COG5: variants seen among roughly 807,000 people sequenced by gnomAD.
The protein encoded by COG5 is component of oligomeric golgi complex 5, also known as conserved oligomeric Golgi complex subunit 5.
Under a neutral mutation model 110.4 loss-of-function variants are expected in COG5, and 86 were observed. The ratio of observed to expected loss-of-function variants is 0.78; its 90% CI spans 0.65 to 0.93. The LOEUF (loss-of-function observed/expected upper bound fraction) is 0.93. Among genes scored for constraint, COG5 ranks in the 40% least tolerant of loss-of-function variants. The pLI, the probability that COG5 is intolerant of heterozygous loss-of-function variation, is 0.00. For missense variants in COG5, 1,077 were observed against 987.0 expected, an observed-to-expected ratio of 1.09 and a Z score of -1.22; for synonymous variants, 360 against 334.6, an observed-to-expected ratio of 1.08 and a Z score of -0.83.
intron 11 of COG5, among the ~76,000 whole-genome samples, chr7:107,306,797 G>A (rs561099453): frequency 6.6e-6 from 1 of 152,178 alleles, no homozygotes; most frequent in East Asian, 1.9e-4. Context: ...AAAAACAAAG[G>A]CTTCTAGGAA....
chr7:107,223,711 C>G (rs1160788727), intron 19 of COG5, among the ~76,000 whole-genome samples: 1 of 152,128 alleles, frequency 6.6e-6, no homozygotes, highest in African/African-American at 2.4e-5. Context: ...AGAAAACAAA[C>G]AGAAACTTCT....
intron 6 of COG5, among the ~76,000 whole-genome samples, chr7:107,486,063 A>G (rs2129124449): frequency 6.6e-6 from 1 of 152,110 alleles, no homozygotes; most frequent in African/African-American, 2.4e-5. Flanking sequence ...TATACTCCAC[A>G]CTCTATGAAT....
At chr7:107,266,731 G>A (rs767949975) in intron 14 of COG5, among the ~76,000 whole-genome samples, 3 of 152,066 alleles carry the variant, frequency 2.0e-5, no homozygotes, top group Non-Finnish European at 2.9e-5. Context: ...GAAACCAGAG[G>A]ACTAACCATG....
At chr7:107,455,718 C>G (rs1310854322) in intron 6 of COG5, among the ~76,000 whole-genome samples, 1 of 152,002 alleles carries the variant, frequency 6.6e-6, no homozygotes, top group Non-Finnish European at 1.5e-5. Context: ...TGATTTTTTT[C>G]TCCAGCACAT....
chr7:107,348,546 C>T (rs1285110256), intron 10 of COG5, among the ~76,000 whole-genome samples: 4 of 152,100 alleles, frequency 2.6e-5, no homozygotes, highest in African/African-American at 9.7e-5. Flanking sequence ...GAAATCTGTC[C>T]ATTTCTACTT....
chr7:107,235,122 A>G (rs1198443777), intron 18 of COG5, among the ~76,000 whole-genome samples: 2 of 152,204 alleles, frequency 1.3e-5, no homozygotes, highest in Non-Finnish European at 1.5e-5. Flanking sequence ...TCAATTTGCA[A>G]TGAAACAGGC....
rs1215553589 is a variant in COG5, at chr7:107,332,998, CT to C, written c.1027-8478del. 3.3e-5 allele frequency among the ~76,000 whole-genome samples: 5 copies of C among 152,078 alleles called. No individual in the cohort carries two copies. The South Asian group carries it at 1.0e-3, about 32-fold the overall frequency. On this transcript the variant is annotated intron_variant, in intron 10 of 21. Transcript: ENST00000297135. Reference sequence around the variant, plus strand: ...GATAAGCAATACAATTTTTTTGGTCCTTGATAAATTGTTTCTAAGTCAGTGT... The same window carrying C: ...GATAAGCAATACAATTTTTTTGGTCCTGATAAATTGTTTCTAAGTCAGTGT...
chr7:107,331,840 CTTTTTTTTTT>C lies in COG5; in HGVS notation c.1027-7329_1027-7320del, dbSNP rs750263117. ...CAAGTGGAGATGACCCTGCTTGCCTCTTTTTTTTTTTTTTTTTTTGAGATGGAGTCCCACT... is the reference window on the plus strand; with the variant it reads ...CAAGTGGAGATGACCCTGCTTGCCTCTTTTTTTTTGAGATGGAGTCCCACT... On this transcript the variant is annotated intron_variant, in intron 10 of 21. Transcript: ENST00000297135. Among the ~76,000 whole-genome samples the C allele has an allele frequency of 3.0e-5, 4 of 131,824 alleles. No homozygotes were observed. The East Asian group carries it at 8.9e-4, about 29-fold the overall frequency. 86.5% of individuals were successfully genotyped at this position (131,824 alleles called of 152,430 possible).
intron 10 of COG5, among the ~76,000 whole-genome samples, chr7:107,329,217 C>A (rs779564251): frequency 6.6e-6 from 1 of 152,134 alleles, no homozygotes; most frequent in Non-Finnish European, 1.5e-5. Flanking sequence ...ATCCCAAGGA[C>A]TGGTCTAAAT....
rs540440412 is a variant in COG5, at chr7:107,508,603, C to T, written c.538+18634G>A. Among the ~76,000 whole-genome samples the T allele has an allele frequency of 6.6e-5, 10 of 152,332 alleles. No individual in the cohort carries two copies. In the East Asian group the frequency reaches 9.7e-4, roughly 15 times the overall value. On this transcript the variant is annotated intron_variant, in intron 6 of 21. Transcript: ENST00000297135. ...CCTCCTCAAGTGGGTCCGTGACCCC[C>T]GAGCAGCCTAACTGGGAGGCACCCC...
intron 6 of COG5, among the ~76,000 whole-genome samples, chr7:107,473,437 G>A (rs1183573695): frequency 6.6e-6 from 1 of 151,756 alleles, no homozygotes; most frequent in African/African-American, 2.4e-5. Flanking sequence ...ATTAATCACT[G>A]GCCTATTTCT....
At chr7:107,207,443 A>C (rs1279508383) in intron 21 of COG5, among the ~76,000 whole-genome samples, 1 of 152,100 alleles carries the variant, frequency 6.6e-6, no homozygotes, top group African/African-American at 2.4e-5. Flanking sequence ...TGTAGATAAA[A>C]GTACCACTAG....
At chr7:107,333,974 A>C (rs1014710356) in intron 10 of COG5, among the ~76,000 whole-genome samples, 1 of 152,076 alleles carries the variant, frequency 6.6e-6, no homozygotes, top group African/African-American at 2.4e-5. Flanking sequence ...AATGAGAACT[A>C]TTTTCTCTCT....
At chr7:107,518,947 TAAC>T (rs1563079311) in intron 6 of COG5, among the ~76,000 whole-genome samples, 1 of 152,142 alleles carries the variant, frequency 6.6e-6, no homozygotes, top group African/African-American at 2.4e-5. Flanking sequence ...ATGGAAATCA[TAAC>T]AAACAGTCCA....
chr7:107,514,150 T>C (rs1353053344), intron 6 of COG5, among the ~76,000 whole-genome samples: 1 of 152,026 alleles, frequency 6.6e-6, no homozygotes, highest in Non-Finnish European at 1.5e-5. Context: ...AAATAGACCA[T>C]AAGCGATTAA....
intron 6 of COG5, among the ~76,000 whole-genome samples, chr7:107,445,534 C>T (rs2129089352): frequency 6.6e-6 from 1 of 152,266 alleles, no homozygotes; most frequent in East Asian, 1.9e-4. Context: ...CCATTTTGGA[C>T]TTATGTAATG....
intron 6 of COG5, among the ~76,000 whole-genome samples, chr7:107,496,652 T>A (rs1167114273): frequency 6.9e-6 from 1 of 144,564 alleles, no homozygotes; most frequent in Non-Finnish European, 1.5e-5. Flanking sequence ...AGTGAGACTC[T>A]GTCTCAAAAA....
intron 6 of COG5, among the ~76,000 whole-genome samples, chr7:107,484,790 T>C (rs1156614027): frequency 6.6e-6 from 1 of 152,236 alleles, no homozygotes; most frequent in Non-Finnish European, 1.5e-5. Flanking sequence ...TAGATGGGAA[T>C]GGTTGTCTAG....
chr7:107,548,776 T>C (rs895518047), intron 3 of COG5, among the ~76,000 whole-genome samples: 2 of 152,250 alleles, frequency 1.3e-5, no homozygotes, highest in African/African-American at 4.8e-5. Context: ...ATCACTCCTA[T>C]ATTAAAACTA....
Sources: gnomAD v4.1 joint callset for allele counts (sites outside exome capture counted in the v4.1 genomes callset) on GRCh38, gnomAD v4.1.1 for gene constraint, MANE v1.5 for transcripts, NCBI Gene and HGNC (gene_info 2026-07-23, HGNC 2026-07-21) for gene names.